The following DACH2 variants were observed in gnomAD, a reference collection of about 807,000 sequenced individuals.
DACH2 encodes the protein dachshund family transcription factor 2.
In DACH2, 17 loss-of-function variants were observed where a neutral mutation model predicts 35.8. That is an observed-to-expected ratio of 0.48 (90% CI 0.33 to 0.71). DACH2 has a LOEUF of 0.71. DACH2 is among the 30% of genes least tolerant of loss of function. The probability of loss-of-function intolerance (pLI) is 0.02; values close to 1 mark genes in which losing one functional copy is unlikely to be tolerated. For synonymous variants in DACH2, 195 were observed against 177.3 expected (o/e 1.10, Z -0.79); for missense variants, 469 against 472.7 (o/e 0.99, Z 0.07).
In DACH2 at chrX:86,707,705, A is replaced by G. The variant is rs371177516; in HGVS notation, c.932-6843A>G. Among the ~76,000 whole-genome samples the G allele has an allele frequency of 8.2e-5, 9 of 109,368 alleles. No homozygotes were observed. In the East Asian group the frequency reaches 2.3e-3, roughly 28 times the overall value. 95.0% of individuals were successfully genotyped at this position (109,368 alleles called of 115,157 possible). On this transcript the variant is annotated intron_variant, in intron 5 of 11. Coordinates refer to ENST00000373125, the MANE Select transcript of DACH2 (RefSeq NM_053281.3). ...GCTGAGGCCGGTGGATCACGAGGTG[A>G]AGAGATCGAGACCATCCTGGCCAAC...
At chrX:86,442,392 T>TATG (rs1491158656) in intron 2 of DACH2, among the ~76,000 whole-genome samples, 41 of 84,197 alleles carry the variant, frequency 4.9e-4, no homozygotes, top group African/African-American at 1.5e-3. Flanking sequence ...TGTGTGTATG[T>TATG]TTTTTTTTTT....
At chrX:86,443,227 AAT>A (rs2037200845) in intron 2 of DACH2, among the ~76,000 whole-genome samples, 1 of 111,799 alleles carries the variant, frequency 8.9e-6, no homozygotes, top group Non-Finnish European at 1.9e-5. Flanking sequence ...TGCCTTCTTC[AAT>A]ATCTTTCATC....
intron 1 of DACH2, among the ~76,000 whole-genome samples, chrX:86,173,522 G>A (rs1423074002): frequency 9.0e-6 from 1 of 111,437 alleles, no homozygotes; most frequent in Admixed American, 9.6e-5. Context: ...AGTAGAATCT[G>A]GGGAAAGTGT....
chrX:86,157,968 G>T, intron 1 of DACH2, among the ~76,000 whole-genome samples: 1 of 110,492 alleles, frequency 9.1e-6, no homozygotes, highest in East Asian at 2.8e-4. Flanking sequence ...GGGTATATAG[G>T]TGCAATTACA....
At chrX:86,248,519 A>C (rs980703184) in intron 1 of DACH2, among the ~76,000 whole-genome samples, 36 of 111,483 alleles carry the variant, frequency 3.2e-4, no homozygotes, top group African/African-American at 1.2e-3. Context: ...TGAGAATTAC[A>C]AAGCACTGCT....
At chrX:86,573,030 T>C (rs1415691612) in intron 3 of DACH2, among the ~76,000 whole-genome samples, 3 of 111,386 alleles carry the variant, frequency 2.7e-5, no homozygotes, top group Non-Finnish European at 1.9e-5. Flanking sequence ...TACTGAGTTC[T>C]AGGGCTTGGA....
chrX:86,743,620 G>A (rs931464124), intron 7 of DACH2, among the ~76,000 whole-genome samples: 1 of 111,155 alleles, frequency 9.0e-6, no homozygotes, highest in African/African-American at 3.3e-5. Context: ...AACTGAACGT[G>A]CTTCATAATT....
intron 7 of DACH2, among the ~76,000 whole-genome samples, chrX:86,762,747 A>C (rs1034677435): frequency 8.9e-6 from 1 of 112,093 alleles, no homozygotes; most frequent in Non-Finnish European, 1.9e-5. Flanking sequence ...ACAGACATGC[A>C]ATGTGAAATA....
At chrX:86,499,292 C>A (rs926556020) in intron 2 of DACH2, among the ~76,000 whole-genome samples, 4 of 111,470 alleles carry the variant, frequency 3.6e-5, no homozygotes, top group Admixed American at 9.6e-5. Context: ...AGAACTGAGA[C>A]CCCTAAGGGA....
intron 1 of DACH2, among the ~76,000 whole-genome samples, chrX:86,278,772 C>T (rs997711118): frequency 2.7e-5 from 3 of 111,722 alleles, no homozygotes; most frequent in African/African-American, 9.8e-5. Flanking sequence ...CCATGGAGCC[C>T]AGCAAGCTAA....
At chrX:86,649,557 T>C (rs1344847690) in intron 3 of DACH2, among the ~76,000 whole-genome samples, 1 of 111,305 alleles carries the variant, frequency 9.0e-6, no homozygotes, top group African/African-American at 3.3e-5. Flanking sequence ...CAAGAAAATC[T>C]CTTTGGCCAT....
intron 7 of DACH2, among the ~76,000 whole-genome samples, chrX:86,781,561 C>T (rs1031801652): frequency 9.0e-6 from 1 of 111,331 alleles, no homozygotes; most frequent in African/African-American, 3.3e-5. Context: ...TCATATTAAG[C>T]AGCCAACTGT....
intron 4 of DACH2, among the ~76,000 whole-genome samples, chrX:86,657,900 A>G (rs1415919348): frequency 9.0e-6 from 1 of 111,242 alleles, no homozygotes; most frequent in Non-Finnish European, 1.9e-5. Flanking sequence ...TTTAAAAAGG[A>G]TCATATTTTA....
At chrX:86,705,063 A>ATATATATATATCTCACATATATATATATC (rs59432076) in intron 5 of DACH2, among the ~76,000 whole-genome samples, 21 of 104,648 alleles carry the variant, frequency 2.0e-4, no homozygotes, top group African/African-American at 7.5e-4. Context: ...ATATATATAT[A>ATATATATATATCTCACATATATATATATC]TATCTCACAT....
chrX:86,497,999 A>G (rs960080072), intron 2 of DACH2, among the ~76,000 whole-genome samples: 7 of 111,601 alleles, frequency 6.3e-5, no homozygotes, highest in East Asian at 2.8e-4. Flanking sequence ...CTTTCAAAAA[A>G]AAAAAGTCAA....
chrX:86,227,628 T>G (rs1290090100), intron 1 of DACH2, among the ~76,000 whole-genome samples: 4 of 110,161 alleles, frequency 3.6e-5, no homozygotes, highest in Admixed American at 1.9e-4. Flanking sequence ...GATTCTTTTT[T>G]TTTTTTTAAG....
intron 2 of DACH2, among the ~76,000 whole-genome samples, chrX:86,501,728 C>T (rs2038251781): frequency 9.0e-6 from 1 of 111,248 alleles, no homozygotes. Flanking sequence ...TAAAGGAAAA[C>T]ATTTTTTAGT....
chrX:86,826,389 G>A (rs1285280203), intron 11 of DACH2, among the ~76,000 whole-genome samples: 1 of 111,320 alleles, frequency 9.0e-6, no homozygotes, highest in Non-Finnish European at 1.9e-5. Flanking sequence ...TAAATTGTAA[G>A]TCAGATATTT....
At chrX:86,263,561 C>A (rs935705712) in intron 1 of DACH2, among the ~76,000 whole-genome samples, 1 of 111,077 alleles carries the variant, frequency 9.0e-6, no homozygotes, top group Non-Finnish European at 1.9e-5. Flanking sequence ...TAAGGTTTTT[C>A]TTTTTAAAGA....
Sources: allele counts gnomAD v4.1 joint callset (sites outside exome capture counted in the v4.1 genomes callset), GRCh38; gene constraint gnomAD v4.1.1; transcripts MANE v1.5; gene names NCBI Gene and HGNC (gene_info 2026-07-23, HGNC 2026-07-21).